AP1B1: variants seen among roughly 807,000 people sequenced by gnomAD.
AP1B1 encodes AP-1 complex subunit beta-1.
A neutral mutation model predicts 104.3 loss-of-function variants in AP1B1; 36 were observed. The observed-to-expected ratio is 0.35, with a 90% CI of 0.26 to 0.46. The LOEUF is 0.46. Among genes scored for constraint, AP1B1 ranks in the 20% least tolerant of loss-of-function variants. AP1B1 has a pLI of 1.00. For synonymous variants in AP1B1, 504 were observed against 517.5 expected, an observed-to-expected ratio of 0.97 and a Z score of 0.35; for missense variants, 901 against 1,247.9, an observed-to-expected ratio of 0.72 and a Z score of 4.19.
chr22:29,328,290 C>T lies in AP1B1; in HGVS notation c.*531G>A. 1 of 153,686 alleles carries T rather than the reference C, an allele frequency of 6.5e-6. No individual in the cohort carries two copies. Among genetic ancestry groups the T allele is most frequent in the Admixed American group, 6.5e-5 (1 of 15,434 alleles). 9.5% of individuals were successfully genotyped at this position (153,686 alleles called of 1,614,324 possible). On this transcript the variant is annotated 3_prime_UTR_variant, in exon 23 of 23. Transcript: ENST00000357586. The surrounding 1 kb of genome is among the most constrained non-coding windows in gnomAD (Gnocchi z 4.1). The stretch of plus-strand genomic sequence containing the variant: ...GGGTGGTGCAGGCCCTGGGCTCCTC[C>T]CAGCCTAGCTCTGCCCCTCTGCCGG...
In AP1B1 at chr22:29,340,781, G is replaced by C; in HGVS notation, c.1873C>G (p.Gln625Glu). ...PGEQPDVIPA[Q>E]GDLLGDLLNL... is the part of the protein sequence containing the mutation. ...AGGAGGTCACCCAGCAGGTCGCCCTGGGCGGGGATGACATCTGGCTGCTCC... is the reference window on the plus strand; with the variant it reads ...AGGAGGTCACCCAGCAGGTCGCCCTCGGCGGGGATGACATCTGGCTGCTCC... The change falls in exon 14 of 23, where the codon CAG becomes GAG. Residue 625 changes from glutamine (Q) to glutamate (E), a missense_variant. Transcript: ENST00000357586. 6.2e-7 allele frequency: 1 copy of C among 1,600,020 alleles called. No individual in the cohort carries two copies. The highest frequency in any genetic ancestry group is 8.5e-7 in the Non-Finnish European group (1 of 1,174,596).
intron 10 of AP1B1, among the ~76,000 whole-genome samples, chr22:29,349,823 C>G (rs967850105): frequency 6.6e-6 from 1 of 152,122 alleles, no homozygotes; most frequent in Non-Finnish European, 1.5e-5. Flanking sequence ...GCCTGGGGAT[C>G]TGAGTTTCAT....
intron 12 of AP1B1, 140 bp from the exon 13 acceptor site, chr22:29,341,900 C>T (rs1378358708): frequency 4.0e-6 from 4 of 989,628 alleles, no homozygotes; most frequent in African/African-American, 1.6e-5. Flanking sequence ...TGAGCCTGCC[C>T]CTATACCACC....
chr22:29,367,181 A>G, intron 2 of AP1B1, 26 bp downstream of exon 2: 2 of 1,606,262 alleles, frequency 1.2e-6, no homozygotes, highest in Non-Finnish European at 1.7e-6. Flanking sequence ...AGCATAGGAC[A>G]AGGCCCATTA....
rs114315088 is a variant in AP1B1 at position 29,381,727 on chromosome 22, G to A, written c.-28+6697C>T. Among the ~76,000 whole-genome samples, 907 of 152,264 alleles carry A rather than the reference G, an allele frequency of 6.0e-3. 8 individuals carry two copies. The highest frequency in any genetic ancestry group is 0.02 in the African/African-American group (848 of 41,542). On this transcript the variant is annotated intron_variant, in intron 1 of 22. Coordinates refer to ENST00000357586, the MANE Select transcript of AP1B1 (RefSeq NM_001127.4). ...ACATCTCCAGTGGGAGAAACGTTCAGTGAGGCCAAGTCACTCTCACCTGCT... is the reference window on the plus strand; with the variant it reads ...ACATCTCCAGTGGGAGAAACGTTCAATGAGGCCAAGTCACTCTCACCTGCT...
rs746671692 is a variant in AP1B1 at position 29,374,396 on chromosome 22, G to A, written c.-27-7126C>T. On this transcript the variant is annotated intron_variant, in intron 1 of 22. Transcript: ENST00000357586. ...CCAAAACAATAAAAAGCCAAAAGCCGTATGATAAACATACTCACTAACATT... is the reference window on the plus strand; with the variant it reads ...CCAAAACAATAAAAAGCCAAAAGCCATATGATAAACATACTCACTAACATT... Among the ~76,000 whole-genome samples the A allele has an allele frequency of 7.2e-5, 11 of 152,202 alleles. 1 individual carries two copies. In the South Asian group the frequency reaches 1.5e-3, roughly 20 times the overall value.
intron 9 of AP1B1, 131 bp downstream of exon 9, chr22:29,351,040 G>A (rs2061866071): frequency 6.1e-6 from 5 of 821,292 alleles, no homozygotes; most frequent in Non-Finnish European, 3.9e-6. Context: ...CTTGCCATGG[G>A]GGCTCCAGTG....
At chr22:29,384,300 T>G (rs956807681) in intron 1 of AP1B1, among the ~76,000 whole-genome samples, 1 of 152,086 alleles carries the variant, frequency 6.6e-6, no homozygotes, top group African/African-American at 2.4e-5. Context: ...CTGGAAGCCC[T>G]GAAACACCCT....
intron 1 of AP1B1, among the ~76,000 whole-genome samples, chr22:29,372,622 GGAA>G (rs1378303218): frequency 2.0e-5 from 3 of 151,908 alleles, no homozygotes; most frequent in Non-Finnish European, 4.4e-5. Context: ...GAAAAAAAAG[GGAA>G]GAAGAAAAAA....
In AP1B1 at chr22:29,364,635, T is replaced by C. The variant is rs546605776; in HGVS notation, c.38-1529A>G. Among the ~76,000 whole-genome samples, 159 of 152,056 alleles carry C rather than the reference T, an allele frequency of 1.0e-3. 1 individual carries two copies. The highest frequency in any genetic ancestry group is 2.6e-3 in the Admixed American group (40 of 15,282). The stretch of plus-strand genomic sequence containing the variant: ...GGTTTCACCATGTTGGTCAGGCTGG[T>C]CTTGAACTGATCTCGTGATCCGCCC... On this transcript the variant is annotated intron_variant, in intron 2 of 22. Coordinates refer to ENST00000357586, the MANE Select transcript of AP1B1 (RefSeq NM_001127.4).
At chr22:29,373,640 G>C (rs1404977414) in intron 1 of AP1B1, among the ~76,000 whole-genome samples, 3 of 152,036 alleles carry the variant, frequency 2.0e-5, no homozygotes, top group Non-Finnish European at 2.9e-5. Context: ...TGGGCGCAGA[G>C]GCCTGTAATC....
intron 1 of AP1B1, among the ~76,000 whole-genome samples, chr22:29,374,595 C>G (rs958961469): frequency 6.6e-6 from 1 of 152,172 alleles, no homozygotes; most frequent in East Asian, 1.9e-4. Context: ...AGCTGCTGAA[C>G]TGATAAAGAG....
intron 17 of AP1B1, among the ~76,000 whole-genome samples, chr22:29,333,970 C>T (rs757140056): frequency 5.9e-5 from 9 of 152,164 alleles, no homozygotes; most frequent in South Asian, 4.1e-4. Flanking sequence ...GAGGCTGAGG[C>T]GGAAGAATTG....
chr22:29,351,078 A>G (rs1041239120), intron 9 of AP1B1, 93 bp downstream of exon 9: 2 of 1,286,046 alleles, frequency 1.6e-6, no homozygotes, highest in Non-Finnish European at 2.2e-6. Flanking sequence ...CCAGACCACA[A>G]GCAAGCTGGC....
rs778266401 is a variant in AP1B1 at position 29,349,374 on chromosome 22, A to C, written c.1281T>G (p.Ser427Arg). 1 of 1,613,550 alleles carries C rather than the reference A, an allele frequency of 6.2e-7. No homozygotes were observed. The change falls in exon 11 of 23, where the codon AGT (serine) becomes AGG (arginine). Residue 427 changes from serine (S) to arginine (R), a missense_variant. By Grantham distance (110) the Ser-to-Arg change is moderately radical. Transcript: ENST00000357586. ...IFRKYPNKYE[S>R]VIATLCENLD... ...GATTCTCACACAGTGTGGCAATCAC[A>C]CTCTCATACCTGGGAGACCAGGGCA...
intron 7 of AP1B1, among the ~76,000 whole-genome samples, chr22:29,352,441 G>A (rs1342196794): frequency 1.3e-5 from 2 of 152,176 alleles, no homozygotes; most frequent in Non-Finnish European, 2.9e-5. Context: ...GCTTTCCTGG[G>A]CAGAAACATT....
chr22:29,384,489 C>T (rs1236826547), intron 1 of AP1B1, among the ~76,000 whole-genome samples: 1 of 152,212 alleles, frequency 6.6e-6, no homozygotes, highest in South Asian at 2.1e-4. Flanking sequence ...TTCACTCATT[C>T]AACACCTGCT....
In AP1B1 at chr22:29,345,650, G is replaced by GT. The variant is rs200608838; in HGVS notation, c.1438-3268dup. ...CTCCCAAAGTGCTGGGGTTACAGGC[G>GT]TGAGCCGCTGCACCCAGTTAACAAG... On this transcript the variant is annotated intron_variant, in intron 11 of 22. Coordinates refer to ENST00000357586, the MANE Select transcript of AP1B1 (RefSeq NM_001127.4). Among the ~76,000 whole-genome samples the GT allele has an allele frequency of 5.5e-3, 801 of 146,414 alleles. 6 individuals carry two copies. The highest frequency in any genetic ancestry group is 0.019 in the African/African-American group (763 of 39,688).
chr22:29,340,710 G>A lies in AP1B1; in HGVS notation c.1944C>T (p.Thr648=), dbSNP rs144717933. The change falls in exon 14 of 23, where the codon ACC becomes ACT. Residue 648 remains threonine, a synonymous_variant. Coordinates refer to ENST00000357586, the MANE Select transcript of AP1B1 (RefSeq NM_001127.4). ...GPPVSGPPLA[T]SSVQMGAVDL... is the part of the protein sequence containing the mutation. ...CCACAGCTCCCATCTGCACCGAGGA[G>A]GTGGCCAGGGGTGGGCCGCTCACTG... 6.3e-7 allele frequency: 1 copy of A among 1,588,978 alleles called. No individual in the cohort carries two copies. The highest frequency in any genetic ancestry group is 1.8e-5 in the Admixed American group (1 of 55,728).
Sources: gnomAD v4.1 joint callset for allele counts (sites outside exome capture counted in the v4.1 genomes callset) on GRCh38, gnomAD v4.1.1 for gene constraint, Gnocchi (gnomAD v3.1) non-coding constraint, MANE v1.5 for transcripts, NCBI Gene and HGNC (gene_info 2026-07-23, HGNC 2026-07-21) for gene names.